Variants in ATP9B observed in about 807,000 individuals in gnomAD.
The protein encoded by ATP9B is probable phospholipid-transporting ATPase IIB.
ATP9B carries 110 observed loss-of-function variants against 146.1 expected under a neutral mutation model. The ratio of observed to expected loss-of-function variants is 0.75; its 90% CI spans 0.65 to 0.88. ATP9B has a LOEUF of 0.88. Among genes scored for constraint, ATP9B ranks in the 40% least tolerant of loss-of-function variants. The pLI, the probability that ATP9B is intolerant of heterozygous loss-of-function variation, is 0.00. For synonymous variants in ATP9B, 604 were observed against 569.7 expected (o/e 1.06, Z -0.86); for missense variants, 1,499 against 1,496.4 (o/e 1.00, Z -0.03).
intron 19 of ATP9B, among the ~76,000 whole-genome samples, chr18:79,341,061 G>A (rs2096855431): frequency 6.6e-6 from 1 of 152,080 alleles, no homozygotes. Context: ...CTCAGCTGCT[G>A]TATCTACACA....
chr18:79,226,136 G>A lies in ATP9B; in HGVS notation c.1107+12098G>A, dbSNP rs369287793. 4.6e-5 allele frequency among the ~76,000 whole-genome samples: 7 copies of A among 152,304 alleles called. No individual in the cohort carries two copies. The South Asian group carries it at 1.0e-3, about 23-fold the overall frequency. On this transcript the variant is annotated intron_variant, in intron 11 of 29. Coordinates refer to ENST00000426216, the MANE Select transcript of ATP9B (RefSeq NM_198531.5). Reference sequence around the variant, plus strand: ...AGTTCACGACAGTGGCCGCTCTGCCGCCCTCTCTTCCTGCTCCCTCCATCA... The same window carrying A: ...AGTTCACGACAGTGGCCGCTCTGCCACCCTCTCTTCCTGCTCCCTCCATCA...
chr18:79,155,645 G>A (rs1307716421), intron 7 of ATP9B, among the ~76,000 whole-genome samples: 2 of 151,118 alleles, frequency 1.3e-5, no homozygotes, highest in East Asian at 1.9e-4. Context: ...TGTGAAAACT[G>A]TAGAAAGGAC....
chr18:79,084,328 C>T (rs1013598989), intron 1 of ATP9B, among the ~76,000 whole-genome samples: 28 of 152,028 alleles, frequency 1.8e-4, no homozygotes, highest in African/African-American at 6.8e-4. Flanking sequence ...CACCTATCCC[C>T]CAACCACCAT....
chr18:79,120,668 A>G (rs1220946333), intron 4 of ATP9B, among the ~76,000 whole-genome samples: 2 of 152,230 alleles, frequency 1.3e-5, no homozygotes, highest in East Asian at 1.9e-4. Flanking sequence ...TGCTTCTATC[A>G]AAATGAACGA....
intron 7 of ATP9B, among the ~76,000 whole-genome samples, chr18:79,158,906 C>A (rs954183062): frequency 1.3e-5 from 2 of 152,086 alleles, no homozygotes; most frequent in African/African-American, 4.8e-5. Context: ...GTTGTCCTAT[C>A]CATTATTGAA....
chr18:79,078,822 C>T (rs1162789035), intron 1 of ATP9B, among the ~76,000 whole-genome samples: 1 of 152,146 alleles, frequency 6.6e-6, no homozygotes, highest in African/African-American at 2.4e-5. Flanking sequence ...GCCCCCCACA[C>T]CCCGACAGGC....
In ATP9B at chr18:79,097,177, A is replaced by G. The variant is rs116727985; in HGVS notation, c.293+528A>G. 9.1e-3 allele frequency among the ~76,000 whole-genome samples: 1,369 copies of G among 151,232 alleles called. 27 individuals carry two copies. Among genetic ancestry groups the G allele is most frequent in the African/African-American group, 0.031 (1,288 of 41,246 alleles). On this transcript the variant is annotated intron_variant, in intron 2 of 29. Coordinates refer to ENST00000426216, the MANE Select transcript of ATP9B (RefSeq NM_198531.5). ...TGTCTCAAAAAAAAAAAAAAAAGCT[A>G]GAGAAAATTAGTGACTTTATAGCTA...
At chr18:79,155,867 A>G (rs1016963099) in intron 7 of ATP9B, among the ~76,000 whole-genome samples, 4 of 137,158 alleles carry the variant, frequency 2.9e-5, no homozygotes, top group African/African-American at 1.1e-4. Context: ...GGTTCATGCC[A>G]CTCCCCTGCC....
intron 11 of ATP9B, among the ~76,000 whole-genome samples, chr18:79,215,007 G>C (rs1260036385): frequency 6.6e-6 from 1 of 152,042 alleles, no homozygotes; most frequent in Non-Finnish European, 1.5e-5. Context: ...AATTAGCTGG[G>C]CATGATGACG....
intron 13 of ATP9B, among the ~76,000 whole-genome samples, chr18:79,286,378 C>T (rs1166679464): frequency 6.6e-6 from 1 of 151,096 alleles, no homozygotes; most frequent in Admixed American, 6.6e-5. Flanking sequence ...CTCTTTGAAG[C>T]AATTGTGAAT....
At chr18:79,200,727 G>GTCATGGTCAGAGCAGAGGTGGAGGTGGGA in intron 9 of ATP9B, among the ~76,000 whole-genome samples, 1 of 45,530 alleles carries the variant, frequency 2.2e-5, no homozygotes, top group Non-Finnish European at 5.3e-5. Context: ...TGGAGGTGGG[G>GTCATGGTCAGAGCAGAGGTGGAGGTGGGA]ACTGTCGGGG....
intron 11 of ATP9B, 53 bp from the exon 12 acceptor site, chr18:79,253,328 A>C (rs2096048748): frequency 6.6e-7 from 1 of 1,518,326 alleles, no homozygotes; most frequent in South Asian, 1.3e-5. Flanking sequence ...CTGATTTATA[A>C]TATTAGGGAC....
intron 15 of ATP9B, among the ~76,000 whole-genome samples, chr18:79,320,489 G>A (rs1036965440): frequency 1.3e-5 from 2 of 152,240 alleles, no homozygotes; most frequent in Non-Finnish European, 2.9e-5. Context: ...CCCAGGGCCA[G>A]GCCAGGGGGA....
chr18:79,071,522 T>C (rs538895603), intron 1 of ATP9B, among the ~76,000 whole-genome samples: 2 of 151,322 alleles, frequency 1.3e-5, no homozygotes, highest in East Asian at 2.0e-4. Context: ...GCTGGGACTA[T>C]AGGCACATAC....
At chr18:79,299,735 A>G (rs757438109) in intron 13 of ATP9B, among the ~76,000 whole-genome samples, 56 of 152,214 alleles carry the variant, frequency 3.7e-4, no homozygotes, top group Non-Finnish European at 7.3e-4. Flanking sequence ...AATCCACTCT[A>G]TGAAGTTTTG....
At chr18:79,237,656 G>A (rs994873345) in intron 11 of ATP9B, among the ~76,000 whole-genome samples, 9 of 148,630 alleles carry the variant, frequency 6.1e-5, no homozygotes, top group Non-Finnish European at 3.0e-5. Flanking sequence ...CCTTTTGTTG[G>A]ATTTATTTCT....
chr18:79,191,068 T>A (rs1298870872), intron 8 of ATP9B, among the ~76,000 whole-genome samples: 1 of 152,178 alleles, frequency 6.6e-6, no homozygotes, highest in East Asian at 1.9e-4. Context: ...TTCACCTGTA[T>A]TCTTAAAGAA....
At chr18:79,375,853 T>C in intron 29 of ATP9B, 1 of 985,422 alleles carries the variant, frequency 1.0e-6, no homozygotes. Flanking sequence ...CTCTGCTCCA[T>C]AGATCTTTTT....
chr18:79,100,029 G>C (rs1019948630), intron 2 of ATP9B, among the ~76,000 whole-genome samples: 4 of 152,080 alleles, frequency 2.6e-5, no homozygotes, highest in Admixed American at 2.6e-4. Flanking sequence ...GGAGGCTGAG[G>C]CACAGGAGAA....
Sources: allele counts gnomAD v4.1 joint callset (sites outside exome capture counted in the v4.1 genomes callset), GRCh38; gene constraint gnomAD v4.1.1; transcripts MANE v1.5; gene names NCBI Gene and HGNC (gene_info 2026-07-23, HGNC 2026-07-21).